The following COLQ variants were observed in gnomAD, a reference collection of about 807,000 sequenced individuals.
COLQ encodes collagen like tail subunit of asymmetric acetylcholinesterase.
Under a neutral mutation model 69.0 loss-of-function variants are expected in COLQ, and 48 were observed. That is an observed-to-expected ratio of 0.70 (90% CI 0.55 to 0.88). The LOEUF (loss-of-function observed/expected upper bound fraction) is 0.88, where lower values mean the gene tolerates loss of function less well. Ranked by LOEUF, COLQ falls within the 40% of genes least tolerant of loss-of-function variation. The pLI is 0.00. For missense variants in COLQ, 618 were observed against 594.6 expected, an observed-to-expected ratio of 1.04 and a Z score of -0.41; for synonymous variants, 217 against 211.2, an observed-to-expected ratio of 1.03 and a Z score of -0.24.
At chr3:15,517,537 T>C (rs1242039528) in intron 1 of COLQ, among the ~76,000 whole-genome samples, 1 of 152,222 alleles carries the variant, frequency 6.6e-6, no homozygotes, top group African/African-American at 2.4e-5. Flanking sequence ...GGGTGGATAC[T>C]GGAGCCAAGT....
intron 11 of COLQ, among the ~76,000 whole-genome samples, chr3:15,466,824 A>G (rs2062207446): frequency 6.6e-6 from 1 of 152,228 alleles, no homozygotes; most frequent in African/African-American, 2.4e-5. Context: ...TTGCATGGCT[A>G]GGCTTTCCAG....
chr3:15,493,638 C>T (rs1002427066), intron 1 of COLQ, among the ~76,000 whole-genome samples: 3 of 152,252 alleles, frequency 2.0e-5, no homozygotes, highest in African/African-American at 7.2e-5. Context: ...TTTGCCCAGC[C>T]AGGTGACAGG....
At chr3:15,487,093 A>T (rs2062587294) in intron 3 of COLQ, among the ~76,000 whole-genome samples, 1 of 152,226 alleles carries the variant, frequency 6.6e-6, no homozygotes, top group Non-Finnish European at 1.5e-5. Flanking sequence ...GAAAACTGTA[A>T]CAGGATGAAA....
intron 12 of COLQ, among the ~76,000 whole-genome samples, 178 bp from the exon 13 acceptor site, chr3:15,458,503 A>G (rs932185026): frequency 6.6e-6 from 1 of 152,228 alleles, no homozygotes; most frequent in African/African-American, 2.4e-5. Context: ...AGCTAAGGTA[A>G]GAAAAATAGC....
intron 14 of COLQ, 53 bp from the exon 15 acceptor site, chr3:15,456,072 G>A (rs771893784): frequency 2.4e-5 from 38 of 1,607,832 alleles, no homozygotes; most frequent in South Asian, 6.7e-5. Flanking sequence ...CCAGGCAGCC[G>A]CAGGCAGGGA....
chr3:15,507,111 CTAT>C (rs1410403844), intron 1 of COLQ, among the ~76,000 whole-genome samples: 1 of 151,964 alleles, frequency 6.6e-6, no homozygotes, highest in Non-Finnish European at 1.5e-5. Flanking sequence ...ACTTTCTTTT[CTAT>C]GGCTGCATAA....
chr3:15,471,409 C>T (rs533091944), intron 10 of COLQ, among the ~76,000 whole-genome samples: 123 of 152,340 alleles, frequency 8.1e-4, no homozygotes, highest in Admixed American at 1.6e-3. Flanking sequence ...CTTAGTTTCT[C>T]TCCTTCTTCC....
At chr3:15,520,483 T>C (rs1012282657) in intron 1 of COLQ, among the ~76,000 whole-genome samples, 3 of 152,298 alleles carry the variant, frequency 2.0e-5, no homozygotes, top group Non-Finnish European at 4.4e-5. Context: ...GAGCCTGGCA[T>C]TTCTGGCCCT....
chr3:15,478,680 CAG>C, intron 5 of COLQ: 1 of 538,932 alleles, frequency 1.9e-6, no homozygotes, highest in South Asian at 2.1e-5. Flanking sequence ...TGATGGGTAG[CAG>C]AGTGAGATGG....
intron 11 of COLQ, 108 bp downstream of exon 11, chr3:15,470,428 T>C (rs2062261624): frequency 4.1e-6 from 4 of 986,860 alleles, no homozygotes; most frequent in Admixed American, 1.7e-5. Context: ...GATGCTGGAG[T>C]CAAGGTCTAC....
Position 15,473,854 on chromosome 3 carries a change from A to C in COLQ, c.636+146T>G. 1.1e-6 allele frequency: 1 copy of C among 901,972 alleles called. No individual in the cohort carries two copies. Among genetic ancestry groups the C allele is most frequent in the Non-Finnish European group, 1.8e-6 (1 of 559,448 alleles). 55.9% of individuals were successfully genotyped at this position (901,972 alleles called of 1,614,324 possible). A position where few individuals can be genotyped will look rare whatever the true frequency, so the allele number is the denominator to read the frequency against. ...CACCCTCTCCCCAGGGTGAAAAGCA[A>C]CTTGCTTCCCGTCCCAAAATAGAAG... is the stretch of plus-strand genomic sequence containing the variant. On this transcript the variant is annotated intron_variant, in intron 10 of 16. Transcript: ENST00000383788. This position sits in a 1 kb window ranked among gnomAD's most constrained non-coding sequence, Gnocchi z 4.0.
intron 8 of COLQ, 99 bp from the exon 9 acceptor site, chr3:15,474,371 T>C: frequency 8.0e-7 from 1 of 1,245,016 alleles, no homozygotes. Flanking sequence ...AACCCTCATT[T>C]TACAAGTGAA....
At chr3:15,457,193 A>T (rs988216298) in intron 13 of COLQ, among the ~76,000 whole-genome samples, 2 of 152,164 alleles carry the variant, frequency 1.3e-5, no homozygotes, top group Non-Finnish European at 2.9e-5. Context: ...TCATATAGTC[A>T]AGTAATTTGA....
At chr3:15,483,803 G>A (rs905880612) in intron 3 of COLQ, among the ~76,000 whole-genome samples, 20 of 152,180 alleles carry the variant, frequency 1.3e-4, no homozygotes, top group African/African-American at 4.8e-4. Context: ...GTCTAATGTT[G>A]ACAGTGGGGT....
At chr3:15,517,731 T>C (rs899123660) in intron 1 of COLQ, among the ~76,000 whole-genome samples, 2 of 152,222 alleles carry the variant, frequency 1.3e-5, no homozygotes, top group Non-Finnish European at 2.9e-5. Context: ...CGTGGGAATC[T>C]TGGCATTTTT....
intron 12 of COLQ, among the ~76,000 whole-genome samples, chr3:15,461,580 A>G (rs568725870): frequency 1.3e-5 from 2 of 152,252 alleles, no homozygotes; most frequent in East Asian, 3.9e-4. Context: ...GGAAAGGATC[A>G]GGAAAGGGGA....
At chr3:15,513,485 T>C (rs2125183781) in intron 1 of COLQ, among the ~76,000 whole-genome samples, 1 of 152,054 alleles carries the variant, frequency 6.6e-6, no homozygotes, top group East Asian at 1.9e-4. Context: ...TCCCCAGGAG[T>C]TGATGGATAA....
chr3:15,475,656 C>T (rs1258258692), intron 6 of COLQ, among the ~76,000 whole-genome samples, 169 bp from the exon 7 acceptor site: 1 of 152,212 alleles, frequency 6.6e-6, no homozygotes, highest in Non-Finnish European at 1.5e-5. Flanking sequence ...AAACTCCGTA[C>T]TCCACATTTC....
intron 12 of COLQ, among the ~76,000 whole-genome samples, chr3:15,463,499 A>G (rs554039264): frequency 6.6e-6 from 1 of 152,064 alleles, no homozygotes; most frequent in South Asian, 2.1e-4. Flanking sequence ...GGCGCCCGCC[A>G]CTACGCCCGG....
Sources: gnomAD v4.1 joint callset for allele counts (sites outside exome capture counted in the v4.1 genomes callset) on GRCh38, gnomAD v4.1.1 for gene constraint, Gnocchi (gnomAD v3.1) non-coding constraint, MANE v1.5 for transcripts, NCBI Gene and HGNC (gene_info 2026-07-23, HGNC 2026-07-21) for gene names.